The following MARCHF7 variants were observed in gnomAD, a reference collection of about 807,000 sequenced individuals.
MARCHF7 encodes E3 ubiquitin-protein ligase MARCHF7.
MARCHF7 carries 20 observed loss-of-function variants against 76.5 expected under a neutral mutation model. The observed-to-expected ratio is 0.26, with a 90% CI of 0.18 to 0.38. The LOEUF (loss-of-function observed/expected upper bound fraction) is 0.38. MARCHF7 is among the 10% of genes least tolerant of loss of function. The pLI is 1.00. For synonymous variants in MARCHF7, 295 were observed against 293.0 expected (o/e 1.01, Z -0.07); for missense variants, 797 against 812.9 (o/e 0.98, Z 0.24).
In MARCHF7 at chr2:159,764,654, C is replaced by G; in HGVS notation, c.2036C>G (p.Ala679Gly). ...RFINLARTLQ[A>G]HMEDLETSED... ...ATTAACCTTGCAAGAACTCTTCAGGCACATATGGAAGATCTCGAAAGTAGG... is the reference window on the plus strand; with the variant it reads ...ATTAACCTTGCAAGAACTCTTCAGGGACATATGGAAGATCTCGAAAGTAGG... Residue 679 changes from alanine to glycine, a missense_variant, in exon 11 of 12, where the codon GCA (alanine) becomes GGA (glycine). Transcript: ENST00000409175. 1 of 1,603,490 alleles carries G rather than the reference C, an allele frequency of 6.2e-7. No homozygotes were observed. Among genetic ancestry groups the G allele is most frequent in the African/African-American group, 1.3e-5 (1 of 74,316 alleles).
chr2:159,743,756 A>T (rs1257313399), intron 5 of MARCHF7, among the ~76,000 whole-genome samples: 4 of 149,900 alleles, frequency 2.7e-5, no homozygotes, highest in Non-Finnish European at 4.4e-5. Flanking sequence ...AAAAAGAGAG[A>T]ATTAGCTGGG....
chr2:159,764,209 GTT>G (rs904348002), intron 10 of MARCHF7, among the ~76,000 whole-genome samples: 109 of 113,132 alleles, frequency 9.6e-4, no homozygotes, highest in African/African-American at 1.7e-3. Context: ...GTTCTTGGGA[GTT>G]TTGTGTGTGT....
chr2:159,741,599 G>A (rs192060208), intron 4 of MARCHF7, among the ~76,000 whole-genome samples: 6 of 152,212 alleles, frequency 3.9e-5, no homozygotes, highest in Non-Finnish European at 7.4e-5. Flanking sequence ...AGCTTTGATG[G>A]ACTACATTAT....
intron 4 of MARCHF7, among the ~76,000 whole-genome samples, chr2:159,738,318 C>T (rs1187507814): frequency 6.6e-6 from 1 of 152,124 alleles, no homozygotes; most frequent in East Asian, 1.9e-4. Context: ...CTGGACTCCC[C>T]AAAGGGTCAG....
At chr2:159,762,375 T>G (rs1332671615) in intron 9 of MARCHF7, among the ~76,000 whole-genome samples, 1 of 152,212 alleles carries the variant, frequency 6.6e-6, no homozygotes, top group African/African-American at 2.4e-5. Context: ...TGAAGAACTG[T>G]TTTTACCAAC....
At chr2:159,733,602 CAT>C in intron 4 of MARCHF7, 6 of 982,962 alleles carry the variant, frequency 6.1e-6, no homozygotes, top group Non-Finnish European at 7.2e-6. Context: ...CTCTTGGAGA[CAT>C]AAAACTTCTG....
At chr2:159,742,590 A>G (rs1259780474) in intron 4 of MARCHF7, among the ~76,000 whole-genome samples, 1 of 152,114 alleles carries the variant, frequency 6.6e-6, no homozygotes, top group East Asian at 1.9e-4. Context: ...AGAGCCCAGC[A>G]AAGTACAATT....
rs771218821 is a variant in MARCHF7, at chr2:159,748,807, T to C, written c.1517T>C (p.Ile506Thr). The change falls in exon 7 of 12, where the codon ATT becomes ACT. Residue 506 changes from isoleucine (I) to threonine (T), a missense_variant. This residue lies in a region of MARCHF7 where 643 missense variants were observed against 631.5 expected (regional missense o/e 1.02). Coordinates refer to ENST00000409175, the MANE Select transcript of MARCHF7 (RefSeq NM_001282805.2). Reference sequence around the variant, plus strand: ...GACAATGTCATGATCACAGTAGATATTATTCCTTCAGGTTGGAATTCAGCT... The same window carrying C: ...GACAATGTCATGATCACAGTAGATACTATTCCTTCAGGTTGGAATTCAGCT... ...LTDNVMITVD[I>T]IPSGWNSADG... 2 of 1,614,012 alleles carry C rather than the reference T, an allele frequency of 1.2e-6. No homozygotes were observed. The highest frequency in any genetic ancestry group is 1.7e-5 in the Admixed American group (1 of 59,986).
chr2:159,726,294 G>A (rs1056124227), intron 3 of MARCHF7, among the ~76,000 whole-genome samples: 4 of 151,498 alleles, frequency 2.6e-5, no homozygotes, highest in Non-Finnish European at 4.4e-5. Flanking sequence ...ACCGAGTCTC[G>A]CTCTTGCACC....
chr2:159,717,107 A>C (rs980431897), intron 3 of MARCHF7, among the ~76,000 whole-genome samples: 2 of 152,184 alleles, frequency 1.3e-5, no homozygotes, highest in African/African-American at 4.8e-5. Flanking sequence ...CTTTGTGATC[A>C]TTTATGACAC....
chr2:159,768,125 TG>T lies in MARCHF7; in HGVS notation c.*785del, dbSNP rs1482980912. 6.6e-6 allele frequency: 1 copy of T among 152,574 alleles called. No individual in the cohort carries two copies. Among genetic ancestry groups the T allele is most frequent in the Non-Finnish European group, 1.5e-5 (1 of 67,970 alleles). 9.5% of individuals were successfully genotyped at this position (152,574 alleles called of 1,614,324 possible). A position where few individuals can be genotyped will look rare whatever the true frequency, so the allele number is the denominator to read the frequency against. ...AAAAATTATTGCAATCTCAAGTTAA[TG>T]GAATATTTTTAAATCCCACATTCAG... On this transcript the variant is annotated 3_prime_UTR_variant, in exon 12 of 12. Coordinates refer to ENST00000409175, the MANE Select transcript of MARCHF7 (RefSeq NM_001282805.2).
In MARCHF7 at chr2:159,756,708, AAAAAAAC is replaced by A. The variant is rs1160409800; in HGVS notation, c.1784-2516_1784-2510del. Among the ~76,000 whole-genome samples the A allele has an allele frequency of 9.6e-4, 135 of 140,666 alleles. 1 individual carries two copies. The highest frequency in any genetic ancestry group is 4.0e-3 in the African/African-American group (127 of 31,440). The allele number at this position is 140,666 out of a possible 152,430, so 92.3% of individuals were successfully genotyped here. ...GTCTCAAAAAAAAAAAAAAAAAAAA[AAAAAAAC>A]AGATGATTCAGATTCACTCTTAAAG... is the stretch of plus-strand genomic sequence containing the variant. On this transcript the variant is annotated intron_variant, in intron 8 of 11. Transcript: ENST00000409175.
At chr2:159,735,799 T>C (rs1425373144) in intron 4 of MARCHF7, among the ~76,000 whole-genome samples, 1 of 152,236 alleles carries the variant, frequency 6.6e-6, no homozygotes, top group African/African-American at 2.4e-5. Context: ...ATATGCAAGT[T>C]TCTGTGTGGA....
At chr2:159,714,773 G>C (rs755817230) in intron 2 of MARCHF7, among the ~76,000 whole-genome samples, 175 bp downstream of exon 2, 1 of 152,078 alleles carries the variant, frequency 6.6e-6, no homozygotes, top group African/African-American at 2.4e-5. Context: ...ATGGTGGTGC[G>C]GGTGTAGTGG....
At chr2:159,719,869 G>A (rs1221874141) in intron 3 of MARCHF7, among the ~76,000 whole-genome samples, 1 of 152,174 alleles carries the variant, frequency 6.6e-6, no homozygotes, top group African/African-American at 2.4e-5. Context: ...ATATTCTTCT[G>A]TCGGGGCATT....
chr2:159,758,580 A>C (rs2125691420), intron 8 of MARCHF7, among the ~76,000 whole-genome samples: 1 of 152,330 alleles, frequency 6.6e-6, no homozygotes, highest in Non-Finnish European at 1.5e-5. Context: ...ATTTTATGTA[A>C]GTAGAATCAT....
Position 159,767,300 on chromosome 2 carries a change from CGAA to C in MARCHF7, c.2079_2081del (p.Glu693del). 6.2e-7 allele frequency: 1 copy of C among 1,610,422 alleles called. No individual in the cohort carries two copies. Among genetic ancestry groups the C allele is most frequent in the Non-Finnish European group, 8.5e-7 (1 of 1,177,680 alleles). ...TTTCAACAGCTTCAGAGGATGATTCCGAAGAAGACGGAGACCATAACAGGACAT... is the reference window on the plus strand; with the variant it reads ...TTTCAACAGCTTCAGAGGATGATTCCGAAGACGGAGACCATAACAGGACAT... On this transcript the variant is annotated inframe_deletion, in exon 12 of 12. Transcript: ENST00000409175.
intron 4 of MARCHF7, among the ~76,000 whole-genome samples, chr2:159,737,644 T>G (rs1345627120): frequency 6.6e-6 from 1 of 152,144 alleles, no homozygotes; most frequent in South Asian, 2.1e-4. Context: ...AAAAATTAGC[T>G]GTGCATGGTG....
Position 159,767,485 on chromosome 2 carries a change from G to A in MARCHF7, c.*143G>A. ...AATATATACATACACATGTATGCCTGTATATATATATTCATTCTCCAGTGT... is the reference window on the plus strand; with the variant it reads ...AATATATACATACACATGTATGCCTATATATATATATTCATTCTCCAGTGT... On this transcript the variant is annotated 3_prime_UTR_variant, in exon 12 of 12. Coordinates refer to ENST00000409175, the MANE Select transcript of MARCHF7 (RefSeq NM_001282805.2). 2.0e-6 allele frequency: 1 copy of A among 509,402 alleles called. No individual in the cohort carries two copies. Among genetic ancestry groups the A allele is most frequent in the Non-Finnish European group, 3.4e-6 (1 of 291,742 alleles). 31.6% of individuals were successfully genotyped at this position (509,402 alleles called of 1,614,324 possible).
Sources: gnomAD v4.1 joint callset for allele counts (sites outside exome capture counted in the v4.1 genomes callset) on GRCh38, gnomAD v4.1.1 for gene constraint, gnomAD v4.1.1 regional missense constraint, MANE v1.5 for transcripts, NCBI Gene and HGNC (gene_info 2026-07-23, HGNC 2026-07-21) for gene names.